AOPEP: variants seen among roughly 807,000 people sequenced by gnomAD.
AOPEP encodes aminopeptidase O (putative).
In AOPEP, 77 loss-of-function variants were observed where a neutral mutation model predicts 98.1. The observed-to-expected ratio is 0.78, with a 90% CI of 0.65 to 0.95. The LOEUF is 0.95. AOPEP is among the 40% of genes least tolerant of loss of function. The pLI is 0.00. For missense variants in AOPEP, 1,024 were observed against 1,024.7 expected (o/e 1.00, Z 0.01); for synonymous variants, 346 against 365.3 (o/e 0.95, Z 0.60).
intron 1 of AOPEP, among the ~76,000 whole-genome samples, chr9:94,748,619 G>A (rs985169545): frequency 1.3e-5 from 2 of 152,048 alleles, no homozygotes; most frequent in Non-Finnish European, 2.9e-5. Context: ...TTGTTTGTTT[G>A]TTTGTTTTAG....
chr9:94,756,580 G>A (rs1837105750), intron 1 of AOPEP, among the ~76,000 whole-genome samples: 3 of 152,246 alleles, frequency 2.0e-5, no homozygotes, highest in South Asian at 4.2e-4. Context: ...ATGAAACAGG[G>A]TTCAAGTAAG....
At chr9:95,085,663 AAGGAT>A in intron 16 of AOPEP, 1 of 359,318 alleles carries the variant, frequency 2.8e-6, no homozygotes. Context: ...ACTTGACCCC[AAGGAT>A]GCACTGTCTC....
At chr9:94,765,171 C>T (rs1839263611) in intron 2 of AOPEP, among the ~76,000 whole-genome samples, 1 of 151,906 alleles carries the variant, frequency 6.6e-6, no homozygotes, top group Admixed American at 6.6e-5. Context: ...CTATGTTGCC[C>T]AGGCTGGTCT....
At chr9:94,762,263 C>T (rs1029392400) in intron 2 of AOPEP, among the ~76,000 whole-genome samples, 1 of 151,948 alleles carries the variant, frequency 6.6e-6, no homozygotes, top group Non-Finnish European at 1.5e-5. Flanking sequence ...CTGGCTAACA[C>T]GGTGAAACCC....
chr9:94,835,881 T>G (rs2041535648), intron 5 of AOPEP, among the ~76,000 whole-genome samples: 1 of 152,184 alleles, frequency 6.6e-6, no homozygotes, highest in South Asian at 2.1e-4. Flanking sequence ...TTCAGTGGGT[T>G]TTCTAGATTC....
intron 5 of AOPEP, among the ~76,000 whole-genome samples, chr9:94,805,159 A>G (rs1035070115): frequency 1.3e-5 from 2 of 152,186 alleles, no homozygotes; most frequent in African/African-American, 2.4e-5. Context: ...GGTTATGGGA[A>G]GAGATCAAAT....
At chr9:95,082,886 G>A in intron 16 of AOPEP, 167 bp downstream of exon 16, 2 of 719,182 alleles carry the variant, frequency 2.8e-6, no homozygotes, top group Admixed American at 3.0e-5. Context: ...TGCTGGGCTG[G>A]TATGGGAGCC....
At chr9:95,041,910 C>A (rs2065352174) in intron 13 of AOPEP, among the ~76,000 whole-genome samples, 1 of 152,152 alleles carries the variant, frequency 6.6e-6, no homozygotes, top group Non-Finnish European at 1.5e-5. Flanking sequence ...CAGAACTGAG[C>A]CTGAAATCAT....
At chr9:95,129,103 G>T in the AOPEP span, among the ~76,000 whole-genome samples, 1 of 151,854 alleles carries the variant, frequency 6.6e-6, no homozygotes, top group East Asian at 1.9e-4. Context: ...GGGTTTCACC[G>T]TGTTGGCCAG....
chr9:95,056,983 T>G (rs1287877289), intron 13 of AOPEP, among the ~76,000 whole-genome samples: 1 of 152,230 alleles, frequency 6.6e-6, no homozygotes, highest in Non-Finnish European at 1.5e-5. Context: ...TTAAAAATAA[T>G]GAGCTGGTCT....
chr9:94,751,939 C>G (rs1015323410), intron 1 of AOPEP, among the ~76,000 whole-genome samples: 2 of 141,346 alleles, frequency 1.4e-5, no homozygotes, highest in African/African-American at 5.5e-5. Flanking sequence ...GTTGCTCAGG[C>G]TGGAGTACAG....
the AOPEP span, among the ~76,000 whole-genome samples, chr9:95,115,713 G>A: frequency 6.6e-6 from 1 of 152,180 alleles, no homozygotes; most frequent in African/African-American, 2.4e-5. Context: ...ACAAACTGCT[G>A]CTACTCCACA....
rs2060104555 is a variant in AOPEP, at chr9:94,980,295, C to G, written c.1977+868C>G. On this transcript the variant is annotated intron_variant, in intron 11 of 16. Coordinates refer to ENST00000375315, the MANE Select transcript of AOPEP (RefSeq NM_001193329.3). The surrounding 1 kb of genome is among the most constrained non-coding windows in gnomAD (Gnocchi z 4.3). ...CCTGCAGGCTGGGAGCTCTCTCAGT[C>G]TGGGGCAGCCCCCAGAGCGGCTGCA... 6.6e-6 allele frequency among the ~76,000 whole-genome samples: 1 copy of G among 152,236 alleles called. No homozygotes were observed. The highest frequency in any genetic ancestry group is 1.5e-5 in the Non-Finnish European group (1 of 68,040).
chr9:95,086,433 A>G, intron 16 of AOPEP: 1 of 985,090 alleles, frequency 1.0e-6, no homozygotes, highest in Non-Finnish European at 1.2e-6. Context: ...TGAAATGGGT[A>G]CTCCTAGCAG....
At chr9:95,144,515 C>T in the AOPEP span, among the ~76,000 whole-genome samples, 1 of 152,164 alleles carries the variant, frequency 6.6e-6, no homozygotes, top group Non-Finnish European at 1.5e-5. Flanking sequence ...TCTCTGGGCA[C>T]GTCGCCTGGC....
chr9:94,834,787 T>C (rs2041353892), intron 5 of AOPEP, among the ~76,000 whole-genome samples: 2 of 148,808 alleles, frequency 1.3e-5, no homozygotes, highest in African/African-American at 2.5e-5. Context: ...AGCGAGACTG[T>C]CTCTAAATGC....
chr9:95,089,021 C>T (rs1049190443), downstream of AOPEP, among the ~76,000 whole-genome samples: 2 of 152,234 alleles, frequency 1.3e-5, no homozygotes, highest in African/African-American at 2.4e-5. Flanking sequence ...AGCCGGAGAG[C>T]AGCTCCGCCA....
At chr9:94,943,864 G>A (rs1346795841) in intron 7 of AOPEP, among the ~76,000 whole-genome samples, 1 of 136,236 alleles carries the variant, frequency 7.3e-6, no homozygotes, top group Non-Finnish European at 1.5e-5. Flanking sequence ...AGGTTGCAGT[G>A]AGCTGAGATT....
chr9:95,111,558 G>A, the AOPEP span: 1 of 1,614,198 alleles, frequency 6.2e-7, no homozygotes, highest in Admixed American at 1.7e-5. Flanking sequence ...GCCGACATCA[G>A]TAATTGCTCT....
Sources: allele counts gnomAD v4.1 joint callset (sites outside exome capture counted in the v4.1 genomes callset), GRCh38; gene constraint gnomAD v4.1.1; non-coding constraint Gnocchi (gnomAD v3.1); transcripts MANE v1.5; gene names NCBI Gene and HGNC (gene_info 2026-07-23, HGNC 2026-07-21).